GAD2: variants seen among roughly 807,000 people sequenced by gnomAD.
The protein encoded by GAD2 is 65 kDa glutamic acid decarboxylase.
A neutral mutation model predicts 80.1 loss-of-function variants in GAD2; 22 were observed. The observed-to-expected ratio is 0.27, with a 90% confidence interval of 0.20 to 0.39. The LOEUF (loss-of-function observed/expected upper bound fraction) is 0.39. Ranked by LOEUF, GAD2 falls within the 10% of genes least tolerant of loss-of-function variation. The pLI, the probability that GAD2 is intolerant of heterozygous loss-of-function variation, is 1.00. For synonymous variants in GAD2, 274 were observed against 256.9 expected (o/e 1.07, Z -0.64); for missense variants, 624 against 738.4 (o/e 0.85, Z 1.80).
intron 11 of GAD2, among the ~76,000 whole-genome samples, chr10:26,280,764 A>T (rs1223352843): frequency 6.6e-6 from 1 of 152,158 alleles, no homozygotes; most frequent in South Asian, 2.1e-4. Context: ...TATTGAGTAC[A>T]GTGGTCACTA....
Position 26,217,849 on chromosome 10 carries a change from C to T in GAD2, c.144C>T (p.Leu48=), listed in dbSNP as rs929107041. The change falls in exon 3 of 16, where the codon CTC becomes CTT. Residue 48 remains leucine (L), a synonymous_variant. Transcript: ENST00000376261. The surrounding 1 kb of genome is among the most constrained non-coding windows in gnomAD (Gnocchi z 4.9). ...TTCGGTGTCCTTACCCAGCCCTGCTCTACGGAGACGCCGAGAAGCCGGCGG... is the reference window on the plus strand; with the variant it reads ...TTCGGTGTCCTTACCCAGCCCTGCTTTACGGAGACGCCGAGAAGCCGGCGG... ...GGIGNKLCAL[L]YGDAEKPAES... 6 of 1,604,808 alleles carry T rather than the reference C, an allele frequency of 3.7e-6. No individual in the cohort carries two copies. The African/African-American group carries it at 4.0e-5, about 11-fold the overall frequency.
At chr10:26,227,634 G>T (rs892297961) in intron 6 of GAD2, among the ~76,000 whole-genome samples, 2 of 152,204 alleles carry the variant, frequency 1.3e-5, no homozygotes, top group Admixed American at 6.5e-5. Context: ...TTGATTGTCT[G>T]GGGGAGAGGG....
intron 4 of GAD2, among the ~76,000 whole-genome samples, chr10:26,221,680 G>T (rs1251324608): frequency 6.6e-6 from 1 of 152,236 alleles, no homozygotes; most frequent in Non-Finnish European, 1.5e-5. Flanking sequence ...GAGGCTGGTT[G>T]TTCGCAGAGT....
At chr10:26,218,545 T>TCACACACACACACA (rs1243883778) in intron 3 of GAD2, among the ~76,000 whole-genome samples, 1 of 76,516 alleles carries the variant, frequency 1.3e-5, no homozygotes, top group African/African-American at 3.6e-5. Context: ...GCTCTCTCTC[T>TCACACACACACACA]CTCTCTCACA....
chr10:26,260,049 T>G (rs982038725), intron 8 of GAD2, among the ~76,000 whole-genome samples: 3 of 152,158 alleles, frequency 2.0e-5, no homozygotes, highest in Non-Finnish European at 4.4e-5. Context: ...TTACATATAT[T>G]TTAACATAAA....
intron 7 of GAD2, among the ~76,000 whole-genome samples, chr10:26,245,694 G>A (rs752453397): frequency 1.3e-5 from 2 of 151,824 alleles, no homozygotes; most frequent in African/African-American, 2.4e-5. Flanking sequence ...TGCCTGCCTC[G>A]GCCTCCCAAA....
intron 11 of GAD2, among the ~76,000 whole-genome samples, chr10:26,279,994 G>T (rs1450027032): frequency 6.6e-6 from 1 of 152,202 alleles, no homozygotes; most frequent in Non-Finnish European, 1.5e-5. Flanking sequence ...TGAGCTCCAG[G>T]ACACTGCAAT....
chr10:26,280,530 A>G (rs1447216390), intron 11 of GAD2, among the ~76,000 whole-genome samples: 1 of 152,170 alleles, frequency 6.6e-6, no homozygotes, highest in Non-Finnish European at 1.5e-5. Context: ...GGCTTTCCAA[A>G]GGAGGCAATC....
chr10:26,269,257 A>G, intron 9 of GAD2, 84 bp downstream of exon 9: 2 of 1,164,962 alleles, frequency 1.7e-6, no homozygotes, highest in Admixed American at 4.4e-5. Context: ...TTTTATTTTA[A>G]AAAGAGGATC....
At position 26,301,238 on chromosome 10, in the gene GAD2, T is replaced by C; in HGVS notation, c.*277T>C. The C allele has an allele frequency of 3.3e-6, 1 of 300,528 alleles. No individual in the cohort carries two copies. Among genetic ancestry groups the C allele is most frequent in the Non-Finnish European group, 6.3e-6 (1 of 157,564 alleles). 18.6% of individuals were successfully genotyped at this position (300,528 alleles called of 1,614,324 possible). On this transcript the variant is annotated 3_prime_UTR_variant, in exon 16 of 16. Coordinates refer to ENST00000376261, the MANE Select transcript of GAD2 (RefSeq NM_001134366.2). ...AATACTTCCCTTACTTTTAATATAG[T>C]GTGCAAAGCAAACTTTATTTTCACT...
At chr10:26,218,549 T>TCACACACACACA (rs1373210337) in intron 3 of GAD2, among the ~76,000 whole-genome samples, 18 of 57,378 alleles carry the variant, frequency 3.1e-4, no homozygotes, top group East Asian at 3.1e-3. Context: ...TCTCTCTCTC[T>TCACACACACACA]CTCACACACA....
At chr10:26,257,308 C>A (rs146583508) in intron 8 of GAD2, among the ~76,000 whole-genome samples, 2,727 of 152,274 alleles carry the variant, frequency 0.018, 71 homozygotes, top group African/African-American at 0.061. Context: ...ACCCGGGAGG[C>A]AGAGGTTGCA....
In GAD2 at chr10:26,224,605, A is replaced by G. The variant is rs367658598; in HGVS notation, c.678A>G (p.Glu226=). Residue 226 remains glutamate, a synonymous_variant, in exon 6 of 16, where the codon GAA becomes GAG. Coordinates refer to ENST00000376261, the MANE Select transcript of GAD2 (RefSeq NM_001134366.2). ...LEYVTLKKMR[E]IIGWPGGSGD... The stretch of plus-strand genomic sequence containing the variant: ...ATGTCACACTAAAGAAAATGAGAGA[A>G]ATCATTGGCTGGCCAGGGGGCTCTG... 139 of 1,613,942 alleles carry G rather than the reference A, an allele frequency of 8.6e-5. No individual in the cohort carries two copies. The highest frequency in any genetic ancestry group is 1.1e-4 in the Non-Finnish European group (135 of 1,179,924).
intron 15 of GAD2, among the ~76,000 whole-genome samples, chr10:26,298,555 G>C (rs969160704): frequency 5.3e-5 from 8 of 152,166 alleles, no homozygotes; most frequent in Non-Finnish European, 1.0e-4. Context: ...CATCTGAAAA[G>C]CTAGAGATGA....
intron 8 of GAD2, among the ~76,000 whole-genome samples, chr10:26,266,098 A>G (rs1845070215): frequency 6.6e-6 from 1 of 152,248 alleles, no homozygotes; most frequent in Non-Finnish European, 1.5e-5. Flanking sequence ...TGACTGATGA[A>G]CATGCAAATT....
intron 4 of GAD2, among the ~76,000 whole-genome samples, chr10:26,223,064 G>C (rs1236383602): frequency 6.6e-6 from 1 of 152,196 alleles, no homozygotes; most frequent in Non-Finnish European, 1.5e-5. Flanking sequence ...GGAGAGTGTG[G>C]ATGTCAATCC....
At chr10:26,224,073 T>C in intron 5 of GAD2, 96 bp downstream of exon 5, 1 of 849,126 alleles carries the variant, frequency 1.2e-6, no homozygotes, top group Non-Finnish European at 1.9e-6. Context: ...TTTTATTAAG[T>C]AGCCACTAAA....
intron 13 of GAD2, among the ~76,000 whole-genome samples, chr10:26,287,677 T>C (rs1845349677): frequency 6.6e-6 from 1 of 152,182 alleles, no homozygotes; most frequent in East Asian, 1.9e-4. Flanking sequence ...TTTGCAGTCT[T>C]ATGTGACAGT....
chr10:26,296,217 C>T (rs562278994), intron 15 of GAD2, among the ~76,000 whole-genome samples: 3 of 152,162 alleles, frequency 2.0e-5, no homozygotes, highest in East Asian at 3.9e-4. Context: ...TAATCACCTA[C>T]CAAAGGCCCT....
Sources: allele counts gnomAD v4.1 joint callset (sites outside exome capture counted in the v4.1 genomes callset), GRCh38; gene constraint gnomAD v4.1.1; non-coding constraint Gnocchi (gnomAD v3.1); transcripts MANE v1.5; gene names NCBI Gene and HGNC (gene_info 2026-07-23, HGNC 2026-07-21).